The following SLC1A1 variants were observed in gnomAD, a reference collection of about 807,000 sequenced individuals.
SLC1A1 encodes the protein excitatory amino acid transporter 3.
A neutral mutation model predicts 53.3 loss-of-function variants in SLC1A1; 43 were observed. The ratio of observed to expected loss-of-function variants is 0.81; its 90% CI spans 0.63 to 1.04. SLC1A1 has a LOEUF of 1.04. SLC1A1 is among the 50% of genes least tolerant of loss of function. The pLI, the probability that SLC1A1 is intolerant of heterozygous loss-of-function variation, is 0.00. For missense variants in SLC1A1, 748 were observed against 664.9 expected (o/e 1.12, Z -1.37); for synonymous variants, 307 against 243.2 (o/e 1.26, Z -2.44).
intron 1 of SLC1A1, among the ~76,000 whole-genome samples, chr9:4,510,415 T>A (rs1820961931): frequency 2.0e-5 from 3 of 152,196 alleles, no homozygotes; most frequent in Admixed American, 6.5e-5. Flanking sequence ...CTCTTCTAAT[T>A]GTAAGCAACA....
chr9:4,546,546 A>G (rs1817509428), intron 2 of SLC1A1, among the ~76,000 whole-genome samples: 1 of 152,224 alleles, frequency 6.6e-6, no homozygotes, highest in Non-Finnish European at 1.5e-5. Flanking sequence ...AGAATGCCAT[A>G]GTCTCCACTA....
chr9:4,501,563 A>G (rs913731585), intron 1 of SLC1A1, among the ~76,000 whole-genome samples: 8 of 151,610 alleles, frequency 5.3e-5, no homozygotes, highest in Admixed American at 2.0e-4. Flanking sequence ...TCAGGAGTTC[A>G]AGACCAGCCT....
intron 8 of SLC1A1, among the ~76,000 whole-genome samples, chr9:4,575,005 G>A (rs185774182): frequency 2.9e-4 from 44 of 152,332 alleles, no homozygotes; most frequent in Non-Finnish European, 6.2e-4. Flanking sequence ...TGCTGAAACA[G>A]GCAGTGCCAG....
chr9:4,494,613 C>T (rs918820086), intron 1 of SLC1A1, among the ~76,000 whole-genome samples: 65 of 151,008 alleles, frequency 4.3e-4, no homozygotes, highest in African/African-American at 1.4e-3. Context: ...TGTGCCCCAC[C>T]GGCTAATCCT....
intron 1 of SLC1A1, among the ~76,000 whole-genome samples, chr9:4,508,574 TAAAA>T: frequency 6.6e-6 from 1 of 152,160 alleles, no homozygotes; most frequent in Non-Finnish European, 1.5e-5. Flanking sequence ...ATAGCCATTG[TAAAA>T]GGAGAACATC....
intron 1 of SLC1A1, among the ~76,000 whole-genome samples, chr9:4,531,244 G>A (rs576615729): frequency 5.4e-4 from 82 of 152,226 alleles, no homozygotes; most frequent in Middle Eastern, 3.2e-3. Flanking sequence ...TGCGTGAGCC[G>A]AAGCAGGGCG....
intron 1 of SLC1A1, among the ~76,000 whole-genome samples, chr9:4,507,205 A>T (rs2130808278): frequency 6.6e-6 from 1 of 152,252 alleles, no homozygotes; most frequent in Admixed American, 6.5e-5. Context: ...ACTGCACTCC[A>T]GCCTGGGTGA....
chr9:4,562,980 A>C (rs1361472038), intron 3 of SLC1A1, among the ~76,000 whole-genome samples: 1 of 77,588 alleles, frequency 1.3e-5, no homozygotes. Flanking sequence ...GGGTGGGGGG[A>C]GGGGAGAGGG....
At chr9:4,528,145 T>C (rs567633280) in intron 1 of SLC1A1, among the ~76,000 whole-genome samples, 2 of 152,260 alleles carry the variant, frequency 1.3e-5, no homozygotes, top group African/African-American at 4.8e-5. Context: ...ACAGTGCTAA[T>C]TGATCAGAGT....
Position 4,535,925 on chromosome 9 carries a change from C to G in SLC1A1, c.92-8642C>G, listed in dbSNP as rs545465473. On this transcript the variant is annotated intron_variant, in intron 1 of 11. Transcript: ENST00000262352. ...ACCATCTGATCTTTGACAAACCTGA[C>G]AAAAACAAGAAATGGGGAAAGGATT... 9.2e-5 allele frequency among the ~76,000 whole-genome samples: 14 copies of G among 152,134 alleles called. No homozygotes were observed. In the South Asian group the frequency reaches 1.0e-3, roughly 11 times the overall value.
chr9:4,546,690 T>A (rs1035383287), intron 2 of SLC1A1, among the ~76,000 whole-genome samples: 3 of 152,154 alleles, frequency 2.0e-5, no homozygotes, highest in African/African-American at 7.2e-5. Context: ...AAACATGGGG[T>A]CTTGATATGT....
At chr9:4,545,005 C>T (rs1817350602) in intron 2 of SLC1A1, among the ~76,000 whole-genome samples, 1 of 152,140 alleles carries the variant, frequency 6.6e-6, no homozygotes, top group Non-Finnish European at 1.5e-5. Flanking sequence ...GAGAAACTGC[C>T]ACTATGATTC....
intron 4 of SLC1A1, among the ~76,000 whole-genome samples, chr9:4,564,776 A>G (rs1456293108): frequency 3.3e-5 from 5 of 152,190 alleles, no homozygotes; most frequent in Admixed American, 3.3e-4. Context: ...ACATCTTTTA[A>G]TTGTACAGGA....
At chr9:4,559,951 C>A (rs9886809) in intron 2 of SLC1A1, 38,028 of 151,944 alleles carry the variant, frequency 0.25, 5,156 homozygotes, top group East Asian at 0.46. Flanking sequence ...TCTGGCAAGG[C>A]GGGATGCCTG....
chr9:4,521,141 G>T (rs1478464946), intron 1 of SLC1A1, among the ~76,000 whole-genome samples: 2 of 152,072 alleles, frequency 1.3e-5, no homozygotes, highest in Admixed American at 1.3e-4. Context: ...TTGTTGAGTT[G>T]TAAGAATTCT....
chr9:4,518,126 C>T (rs781015611), intron 1 of SLC1A1, among the ~76,000 whole-genome samples: 6 of 148,686 alleles, frequency 4.0e-5, no homozygotes, highest in Non-Finnish European at 8.9e-5. Flanking sequence ...ATCCCAGCTA[C>T]TCAGGAGGCT....
In SLC1A1 at chr9:4,556,592, C is replaced by G. The variant is rs145679501; in HGVS notation, c.233-4857C>G. ...GTCCATTGAGAATAAAAACTCAGAA[C>G]TAAAGGGCAAATGAGGTTTTACTTG... On this transcript the variant is annotated intron_variant, in intron 2 of 11. Transcript: ENST00000262352. This position sits in a 1 kb window ranked among gnomAD's most constrained non-coding sequence, Gnocchi z 4.1. 5.3e-5 allele frequency among the ~76,000 whole-genome samples: 8 copies of G among 152,244 alleles called. No individual in the cohort carries two copies. In the East Asian group the frequency reaches 1.5e-3, roughly 29 times the overall value.
chr9:4,564,357 G>A lies in SLC1A1; in HGVS notation c.339G>A (p.Val113=). ...LIAVILGIVL[V]VSIKPGVTQK... ...TCTTGGCCACAGGTATTGTGCTGGT[G>A]GTGAGCATCAAGCCTGGTGTCACCC... The change falls in exon 4 of 12, where the codon GTG becomes GTA. Residue 113 remains valine (V), a synonymous_variant. Transcript: ENST00000262352. 1.2e-6 allele frequency: 2 copies of A among 1,612,958 alleles called. No individual in the cohort carries two copies. Among genetic ancestry groups the A allele is most frequent in the African/African-American group, 1.3e-5 (1 of 74,990 alleles).
At chr9:4,572,527 T>A in intron 7 of SLC1A1, 139 bp downstream of exon 7, 1 of 813,244 alleles carries the variant, frequency 1.2e-6, no homozygotes, top group Non-Finnish European at 2.1e-6. Flanking sequence ...CAGAGTATTT[T>A]GTGGGGGCTT....
Sources: allele counts gnomAD v4.1 joint callset (sites outside exome capture counted in the v4.1 genomes callset), GRCh38; gene constraint gnomAD v4.1.1; non-coding constraint Gnocchi (gnomAD v3.1); transcripts MANE v1.5; gene names NCBI Gene and HGNC (gene_info 2026-07-23, HGNC 2026-07-21).